Variants in TIAM2 observed in about 807,000 individuals in gnomAD.
TIAM2 encodes the protein rho guanine nucleotide exchange factor TIAM2.
TIAM2 carries 80 observed loss-of-function variants against 152.9 expected under a neutral mutation model. That is an observed-to-expected ratio of 0.52 (90% CI 0.44 to 0.63). The LOEUF is 0.63. TIAM2 is among the 30% of genes least tolerant of loss of function. The pLI is 0.00. For missense variants in TIAM2, 1,965 were observed against 2,120.1 expected, an observed-to-expected ratio of 0.93 and a Z score of 1.44; for synonymous variants, 804 against 838.0, an observed-to-expected ratio of 0.96 and a Z score of 0.70.
intron 2 of TIAM2, among the ~76,000 whole-genome samples, chr6:155,095,535 A>G (rs1778400622): frequency 6.6e-6 from 1 of 152,148 alleles, no homozygotes; most frequent in Admixed American, 6.5e-5. Flanking sequence ...TCATCTATCA[A>G]CTGGTTATTT....
intron 12 of TIAM2, among the ~76,000 whole-genome samples, chr6:155,181,160 C>T (rs1780892486): frequency 6.6e-6 from 1 of 152,164 alleles, no homozygotes; most frequent in South Asian, 2.1e-4. Flanking sequence ...TCTTGCTGTC[C>T]TCAAAGAACT....
intron 15 of TIAM2, among the ~76,000 whole-genome samples, chr6:155,233,216 C>T (rs749822972): frequency 4.9e-4 from 74 of 152,190 alleles, no homozygotes; most frequent in Non-Finnish European, 7.9e-4. Context: ...GATTCCAAAA[C>T]GCACAGGAAA....
intron 1 of TIAM2, among the ~76,000 whole-genome samples, chr6:155,065,811 A>G (rs1043267248): frequency 1.3e-5 from 2 of 152,186 alleles, no homozygotes; most frequent in Non-Finnish European, 2.9e-5. Context: ...AAATAATGAC[A>G]GTGCACAAGA....
chr6:155,113,168 C>T (rs781310628), intron 2 of TIAM2, among the ~76,000 whole-genome samples: 31 of 152,194 alleles, frequency 2.0e-4, no homozygotes, highest in Non-Finnish European at 2.4e-4. Context: ...TCTTGCCCTT[C>T]TTCCCCTCGC....
At chr6:155,235,879 A>G (rs1332882863) in intron 15 of TIAM2, among the ~76,000 whole-genome samples, 2 of 152,222 alleles carry the variant, frequency 1.3e-5, no homozygotes, top group Non-Finnish European at 2.9e-5. Context: ...TTAACACTGC[A>G]TTGTTAGGTG....
At chr6:155,002,750 A>G (rs1778333192) in intron 1 of TIAM2, among the ~76,000 whole-genome samples, 1 of 150,870 alleles carries the variant, frequency 6.6e-6, no homozygotes, top group Non-Finnish European at 1.5e-5. Context: ...GTATGATCTC[A>G]GCTCACTGCG....
rs761343860 is a variant in TIAM2 at position 155,254,534 on chromosome 6, G to A, written c.4429G>A (p.Val1477Ile). The A allele has an allele frequency of 1.1e-5, 17 of 1,613,958 alleles. No homozygotes were observed. Among genetic ancestry groups the A allele is most frequent in the Non-Finnish European group, 1.4e-5 (17 of 1,179,830 alleles). ...GGAGAAAACGTGTAAGGATCGCCTG[G>A]TACCTCTTAAGAACCGAGTTCCTGT... is the stretch of plus-strand genomic sequence containing the variant. ...PLEKTCKDRL[V>I]PLKNRVPVSA... The change falls in exon 26 of 27, where the codon GTA (valine) becomes ATA (isoleucine). Residue 1477 changes from valine (V) to isoleucine (I), a missense_variant. Physicochemically the swap from Val to Ile is conservative, Grantham distance 29. Coordinates refer to ENST00000682666, the MANE Select transcript of TIAM2 (RefSeq NM_012454.4).
intron 15 of TIAM2, among the ~76,000 whole-genome samples, chr6:155,238,257 ATC>A (rs1173734265): frequency 1.3e-5 from 2 of 152,202 alleles, no homozygotes; most frequent in Non-Finnish European, 2.9e-5. Flanking sequence ...CCTCATCTCC[ATC>A]TGAGACCACC....
chr6:155,090,512 A>C (rs2114979183), intron 2 of TIAM2, 133 bp downstream of exon 2: 1 of 152,362 alleles, frequency 6.6e-6, no homozygotes, highest in South Asian at 2.1e-4. Flanking sequence ...GGGGAAAGCC[A>C]AAGCAGGTTT....
At chr6:155,195,593 C>T (rs745561451) in intron 14 of TIAM2, among the ~76,000 whole-genome samples, 7 of 144,254 alleles carry the variant, frequency 4.9e-5, no homozygotes, top group Non-Finnish European at 9.1e-5. Context: ...ACAGAGTAAG[C>T]GGGAACCTCA....
chr6:155,052,822 G>C (rs1777347512), intron 1 of TIAM2, among the ~76,000 whole-genome samples: 2 of 151,046 alleles, frequency 1.3e-5, no homozygotes, highest in African/African-American at 4.9e-5. Flanking sequence ...ATGCAACATA[G>C]GAAAATCTCT....
chr6:155,245,544 C>T (rs945629637), intron 18 of TIAM2, 79 bp from the exon 19 acceptor site: 50 of 1,162,506 alleles, frequency 4.3e-5, no homozygotes, highest in Non-Finnish European at 6.3e-5. Context: ...TGACAGAAGC[C>T]ATGGGGCCGT....
chr6:155,056,573 T>G (rs557210907), intron 1 of TIAM2, among the ~76,000 whole-genome samples: 1 of 152,236 alleles, frequency 6.6e-6, no homozygotes, highest in African/African-American at 2.4e-5. Flanking sequence ...TTTTTTGCAC[T>G]CTGACCAATG....
At chr6:155,108,518 C>T (rs942896117) in intron 2 of TIAM2, among the ~76,000 whole-genome samples, 1 of 152,104 alleles carries the variant, frequency 6.6e-6, no homozygotes, top group African/African-American at 2.4e-5. Context: ...CTTAATGACT[C>T]AAATTCATAC....
chr6:155,068,302 A>G (rs1777751147), intron 1 of TIAM2, among the ~76,000 whole-genome samples: 3 of 152,212 alleles, frequency 2.0e-5, no homozygotes, highest in African/African-American at 7.2e-5. Flanking sequence ...TGTGCCTGGA[A>G]TATCTGGGAG....
At chr6:155,172,669 T>TAG (rs1562341141) in intron 9 of TIAM2, among the ~76,000 whole-genome samples, 2 of 9,626 alleles carry the variant, frequency 2.1e-4, no homozygotes, top group African/African-American at 8.4e-4. Context: ...TATATATATA[T>TAG]ATATATATAT....
At chr6:155,012,699 C>T (rs1187216620) in intron 1 of TIAM2, among the ~76,000 whole-genome samples, 4 of 152,094 alleles carry the variant, frequency 2.6e-5, no homozygotes, top group South Asian at 2.1e-4. Flanking sequence ...TACAGGCTCC[C>T]GCCACCATGC....
intron 26 of TIAM2, chr6:155,254,824 C>T: frequency 2.2e-6 from 1 of 451,094 alleles, no homozygotes; most frequent in South Asian, 3.0e-5. Flanking sequence ...GTTTCTTCCA[C>T]TAAGATGTGC....
chr6:155,139,574 A>C (rs1433592152), intron 5 of TIAM2, among the ~76,000 whole-genome samples: 1 of 152,200 alleles, frequency 6.6e-6, no homozygotes, highest in African/African-American at 2.4e-5. Flanking sequence ...TAAAGAGATA[A>C]GAAAGTTCTG....
Sources: allele counts gnomAD v4.1 joint callset (sites outside exome capture counted in the v4.1 genomes callset), GRCh38; gene constraint gnomAD v4.1.1; transcripts MANE v1.5; gene names NCBI Gene and HGNC (gene_info 2026-07-23, HGNC 2026-07-21).